The following CNTN4 variants were observed in gnomAD, a reference collection of about 807,000 sequenced individuals.
CNTN4 encodes the protein contactin 4.
CNTN4 carries 77 observed loss-of-function variants against 122.5 expected under a neutral mutation model. That is an observed-to-expected ratio of 0.63 (90% CI 0.52 to 0.76). CNTN4 has a LOEUF of 0.76. Among genes scored for constraint, CNTN4 ranks in the 30% least tolerant of loss-of-function variants. The pLI, the probability that CNTN4 is intolerant of heterozygous loss-of-function variation, is 0.00. For missense variants in CNTN4, 1,256 were observed against 1,259.1 expected, an observed-to-expected ratio of 1.00 and a Z score of 0.04; for synonymous variants, 512 against 447.0, an observed-to-expected ratio of 1.15 and a Z score of -1.83.
chr3:2,820,732 G>T (rs145892855), intron 7 of CNTN4, among the ~76,000 whole-genome samples: 2 of 151,836 alleles, frequency 1.3e-5, no homozygotes, highest in African/African-American at 4.8e-5. Context: ...TATCACTCAG[G>T]AAATTACAAG....
chr3:2,340,706 T>TAGAGAGAGAGAGAG (rs1176854234), intron 3 of CNTN4, among the ~76,000 whole-genome samples: 1 of 24,056 alleles, frequency 4.2e-5, no homozygotes, highest in Non-Finnish European at 1.1e-4. Flanking sequence ...TATATATATA[T>TAGAGAGAGAGAGAG]ATATAGAGAG....
At chr3:2,409,641 A>G (rs1257454085) in intron 3 of CNTN4, among the ~76,000 whole-genome samples, 2 of 152,120 alleles carry the variant, frequency 1.3e-5, no homozygotes, top group Non-Finnish European at 2.9e-5. Context: ...TGAAATCATA[A>G]CTTTGTGGTT....
intron 4 of CNTN4, among the ~76,000 whole-genome samples, chr3:2,669,163 A>G (rs1055136050): frequency 8.5e-5 from 13 of 152,204 alleles, no homozygotes; most frequent in South Asian, 2.1e-4. Context: ...TTCAGAAGGA[A>G]TGGTACCAGC....
At chr3:2,376,900 G>A (rs1426846406) in intron 3 of CNTN4, among the ~76,000 whole-genome samples, 4 of 152,068 alleles carry the variant, frequency 2.6e-5, no homozygotes, top group Non-Finnish European at 5.9e-5. Flanking sequence ...GCTCACGCCT[G>A]TAATCCCAGC....
intron 16 of CNTN4, among the ~76,000 whole-genome samples, chr3:3,031,666 T>A (rs2125681139): frequency 6.6e-6 from 1 of 152,308 alleles, no homozygotes; most frequent in South Asian, 2.1e-4. Flanking sequence ...AATGGACTTT[T>A]AAGAAATATT....
intron 6 of CNTN4, among the ~76,000 whole-genome samples, chr3:2,802,368 G>C (rs1275744274): frequency 6.6e-6 from 1 of 152,194 alleles, no homozygotes; most frequent in Admixed American, 6.5e-5. Flanking sequence ...AAACAAGTGA[G>C]CTTTTTGCTG....
chr3:2,148,048 T>G (rs1218786836), intron 2 of CNTN4, among the ~76,000 whole-genome samples: 2 of 152,138 alleles, frequency 1.3e-5, no homozygotes, highest in East Asian at 3.9e-4. Context: ...TTTTTTCTTC[T>G]TAAGGCATGA....
rs997460441 is a variant in CNTN4 at position 2,709,671 on chromosome 3, T to C, written c.56-26544T>C. Among the ~76,000 whole-genome samples, 12 of 152,158 alleles carry C rather than the reference T, an allele frequency of 7.9e-5. No individual in the cohort carries two copies. Among genetic ancestry groups the C allele is most frequent in the Admixed American group, 3.9e-4 (6 of 15,268 alleles). On this transcript the variant is annotated intron_variant, in intron 4 of 24. Transcript: ENST00000418658. This position sits in a 1 kb window ranked among gnomAD's most constrained non-coding sequence, Gnocchi z 5.0. The stretch of plus-strand genomic sequence containing the variant: ...GCTCTCACCTGTAACCGCAGCACTT[T>C]GGGAGGCTGAGGCAGGTGGATCACT...
chr3:2,217,022 AG>A (rs1429427151), intron 2 of CNTN4, among the ~76,000 whole-genome samples: 1 of 152,214 alleles, frequency 6.6e-6, no homozygotes, highest in Non-Finnish European at 1.5e-5. Context: ...TCTGAAAAGT[AG>A]ATCTTTCTAC....
chr3:2,737,508 C>G (rs564900435), intron 5 of CNTN4, among the ~76,000 whole-genome samples: 78 of 152,204 alleles, frequency 5.1e-4, no homozygotes, highest in Non-Finnish European at 8.5e-4. Flanking sequence ...GATTGACTTT[C>G]TCTTTGAAAA....
intron 3 of CNTN4, among the ~76,000 whole-genome samples, chr3:2,469,776 C>G (rs533336850): frequency 1.3e-5 from 2 of 152,226 alleles, no homozygotes; most frequent in African/African-American, 2.4e-5. Context: ...GTATAAAAAT[C>G]TAATGTTTGA....
In CNTN4 at chr3:3,034,821, T is replaced by C. The variant is rs777542817; in HGVS notation, c.1942+31T>C. The C allele has an allele frequency of 3.1e-6, 5 of 1,612,678 alleles. No homozygotes were observed. The South Asian group carries it at 3.3e-5, about 11-fold the overall frequency. ...ATATTGGATGCTTGGCTCAGAGACATTGGGAACTCAGCATACTGGACACAG... is the reference window on the plus strand; with the variant it reads ...ATATTGGATGCTTGGCTCAGAGACACTGGGAACTCAGCATACTGGACACAG... On this transcript the variant is annotated intron_variant, in intron 17 of 24. Transcript: ENST00000418658.
intron 2 of CNTN4, among the ~76,000 whole-genome samples, chr3:2,145,625 C>A (rs2035207442): frequency 6.6e-6 from 1 of 152,182 alleles, no homozygotes; most frequent in Non-Finnish European, 1.5e-5. Flanking sequence ...GATTCCACCT[C>A]ACATTCAGTT....
At chr3:2,604,201 T>C (rs2081165155) in intron 4 of CNTN4, among the ~76,000 whole-genome samples, 1 of 152,222 alleles carries the variant, frequency 6.6e-6, no homozygotes, top group African/African-American at 2.4e-5. Context: ...TGTGTTTTTG[T>C]ATAAATCTCT....
intron 4 of CNTN4, among the ~76,000 whole-genome samples, chr3:2,582,133 T>C (rs549861754): frequency 1.3e-5 from 2 of 152,342 alleles, no homozygotes; most frequent in South Asian, 4.1e-4. Context: ...TTTAAAAGGC[T>C]GAATTGTATG....
intron 2 of CNTN4, among the ~76,000 whole-genome samples, chr3:2,199,958 G>A (rs1019650618): frequency 3.3e-5 from 5 of 152,160 alleles, no homozygotes; most frequent in African/African-American, 9.7e-5. Flanking sequence ...GAGTATGTTG[G>A]ATGAAGATGA....
chr3:2,610,783 T>C (rs1234499632), intron 4 of CNTN4, among the ~76,000 whole-genome samples: 2 of 152,190 alleles, frequency 1.3e-5, no homozygotes, highest in East Asian at 3.9e-4. Context: ...GCAGTCATTA[T>C]GAGTATTTTC....
intron 8 of CNTN4, among the ~76,000 whole-genome samples, chr3:2,870,414 G>T (rs1559601878): frequency 6.6e-6 from 1 of 152,132 alleles, no homozygotes; most frequent in Non-Finnish European, 1.5e-5. Flanking sequence ...CACTCAAACT[G>T]TGTTACTAAG....
chr3:2,109,925 A>C (rs982374322), intron 2 of CNTN4, among the ~76,000 whole-genome samples: 4 of 152,248 alleles, frequency 2.6e-5, no homozygotes, highest in African/African-American at 9.6e-5. Flanking sequence ...CTTAAGTTGC[A>C]TATCTAATTC....
Sources: gnomAD v4.1 joint callset for allele counts (sites outside exome capture counted in the v4.1 genomes callset) on GRCh38, gnomAD v4.1.1 for gene constraint, Gnocchi (gnomAD v3.1) non-coding constraint, MANE v1.5 for transcripts, NCBI Gene and HGNC (gene_info 2026-07-23, HGNC 2026-07-21) for gene names.